Variants in NBAS observed in about 807,000 individuals in gnomAD.
NBAS encodes the protein NBAS subunit of NRZ tethering complex.
In NBAS, 219 loss-of-function variants were observed where a neutral mutation model predicts 302.5. The observed-to-expected ratio is 0.72, with a 90% CI of 0.65 to 0.81. The LOEUF is 0.81. Ranked by LOEUF, NBAS falls within the 30% of genes least tolerant of loss-of-function variation. The probability of loss-of-function intolerance (pLI) is 0.00; values close to 1 mark genes in which losing one functional copy is unlikely to be tolerated. For missense variants in NBAS, 2,932 were observed against 2,841.6 expected (o/e 1.03, Z -0.72); for synonymous variants, 1,118 against 1,021.6 (o/e 1.09, Z -1.80).
chr2:15,307,351 C>A (rs985646563), intron 40 of NBAS, among the ~76,000 whole-genome samples: 1 of 152,126 alleles, frequency 6.6e-6, no homozygotes, highest in African/African-American at 2.4e-5. Context: ...CAGTCACAGA[C>A]AGTACATGCT....
At chr2:14,962,301 C>T in the NBAS span, among the ~76,000 whole-genome samples, 7 of 152,120 alleles carry the variant, frequency 4.6e-5, no homozygotes, top group South Asian at 1.0e-3. Context: ...ACCACCACCA[C>T]GGACAGCTCA....
At chr2:15,526,287 C>T (rs1296866204) in intron 9 of NBAS, among the ~76,000 whole-genome samples, 1 of 152,284 alleles carries the variant, frequency 6.6e-6, no homozygotes, top group East Asian at 1.9e-4. Flanking sequence ...TCCACATATT[C>T]ATAGAGCTTA....
Position 15,330,145 on chromosome 2 carries a change from A to G in NBAS, c.4347+453T>C, listed in dbSNP as rs546075370. ...TCTTTGTTTTCCAGTGTGAGATTAAAGGACTGCAGTATGAGAATGCAGAGC... is the reference window on the plus strand; with the variant it reads ...TCTTTGTTTTCCAGTGTGAGATTAAGGGACTGCAGTATGAGAATGCAGAGC... On this transcript the variant is annotated intron_variant, in intron 36 of 51. Coordinates refer to ENST00000281513, the MANE Select transcript of NBAS (RefSeq NM_015909.4). Among the ~76,000 whole-genome samples the G allele has an allele frequency of 2.5e-4, 38 of 152,274 alleles. 1 individual carries two copies. In the South Asian group the frequency reaches 7.9e-3, roughly 32 times the overall value.
chr2:15,006,650 A>C, the NBAS span, among the ~76,000 whole-genome samples: 1 of 152,184 alleles, frequency 6.6e-6, no homozygotes, highest in Non-Finnish European at 1.5e-5. Flanking sequence ...GTCCTATATA[A>C]AAATAAGCTT....
intron 21 of NBAS, among the ~76,000 whole-genome samples, chr2:15,447,237 G>C (rs986305719): frequency 2.0e-5 from 3 of 152,162 alleles, no homozygotes; most frequent in African/African-American, 7.2e-5. Context: ...TGCCAGACTG[G>C]ATAATACAGA....
At chr2:15,301,934 G>A (rs993578502) in intron 40 of NBAS, among the ~76,000 whole-genome samples, 1 of 152,236 alleles carries the variant, frequency 6.6e-6, no homozygotes, top group Non-Finnish European at 1.5e-5. Context: ...GGGGCAACGG[G>A]AGATCCTGAA....
the NBAS span, among the ~76,000 whole-genome samples, chr2:14,936,259 T>A: frequency 1.3e-5 from 2 of 152,360 alleles, no homozygotes; most frequent in African/African-American, 4.8e-5. Flanking sequence ...CCTATAAAGA[T>A]GAATAAAATT....
At chr2:15,177,913 C>T (rs1664628020) in intron 51 of NBAS, 2 of 305,554 alleles carry the variant, frequency 6.5e-6, no homozygotes, top group South Asian at 3.1e-5. Context: ...GAAGCTTTTA[C>T]ATTATTTTAA....
At chr2:15,388,107 T>C (rs1675398946) in intron 28 of NBAS, among the ~76,000 whole-genome samples, 1 of 152,238 alleles carries the variant, frequency 6.6e-6, no homozygotes, top group South Asian at 2.1e-4. Flanking sequence ...GTGAGAAGAA[T>C]TGACACCTTT....
At chr2:15,456,688 T>C (rs1029795481) in intron 21 of NBAS, among the ~76,000 whole-genome samples, 4 of 152,166 alleles carry the variant, frequency 2.6e-5, no homozygotes, top group African/African-American at 7.2e-5. Context: ...TCGCTGTCCA[T>C]TGGAGCTGCT....
At chr2:14,960,848 C>T in the NBAS span, among the ~76,000 whole-genome samples, 2 of 152,184 alleles carry the variant, frequency 1.3e-5, no homozygotes, top group Non-Finnish European at 2.9e-5. Context: ...TGAACAAGAC[C>T]TGGCCTTCCT....
At chr2:15,101,142 C>T in the NBAS span, among the ~76,000 whole-genome samples, 10 of 152,216 alleles carry the variant, frequency 6.6e-5, no homozygotes, top group African/African-American at 2.2e-4. Flanking sequence ...TCCTTTTCAA[C>T]TCTGACAGCC....
the NBAS span, among the ~76,000 whole-genome samples, chr2:14,997,811 T>C: frequency 6.6e-6 from 1 of 152,200 alleles, no homozygotes; most frequent in African/African-American, 2.4e-5. Flanking sequence ...CTTTACTCTC[T>C]GCTTCCATAA....
At chr2:15,089,246 T>C in the NBAS span, among the ~76,000 whole-genome samples, 9 of 151,896 alleles carry the variant, frequency 5.9e-5, no homozygotes, top group African/African-American at 2.2e-4. Context: ...CCTCCCAGAG[T>C]GCAAGGATTA....
the NBAS span, among the ~76,000 whole-genome samples, chr2:14,999,243 A>G: frequency 1.3e-5 from 2 of 152,022 alleles, no homozygotes; most frequent in Admixed American, 1.3e-4. Flanking sequence ...TTGTTAATAC[A>G]TTAATGTAAG....
intron 11 of NBAS, among the ~76,000 whole-genome samples, chr2:15,498,474 C>G (rs1681153396): frequency 6.6e-6 from 1 of 152,170 alleles, no homozygotes; most frequent in Non-Finnish European, 1.5e-5. Flanking sequence ...AACGCTTACA[C>G]ACTGCTAGTG....
At chr2:14,988,682 G>A in the NBAS span, among the ~76,000 whole-genome samples, 1 of 152,104 alleles carries the variant, frequency 6.6e-6, no homozygotes, top group Non-Finnish European at 1.5e-5. Flanking sequence ...CTGGTAAACA[G>A]ATATTTTTCT....
At chr2:14,911,771 T>C in the NBAS span, among the ~76,000 whole-genome samples, 1 of 152,256 alleles carries the variant, frequency 6.6e-6, no homozygotes, top group Non-Finnish European at 1.5e-5. Context: ...AAATCCCAGC[T>C]GTGTAGCATC....
chr2:15,499,091 G>T (rs1296762012), intron 11 of NBAS, among the ~76,000 whole-genome samples: 4 of 151,952 alleles, frequency 2.6e-5, no homozygotes, highest in African/African-American at 9.7e-5. Context: ...ACCACACCCA[G>T]CTAATTTTTG....
Sources: allele counts gnomAD v4.1 joint callset (sites outside exome capture counted in the v4.1 genomes callset), GRCh38; gene constraint gnomAD v4.1.1; transcripts MANE v1.5; gene names NCBI Gene and HGNC (gene_info 2026-07-23, HGNC 2026-07-21).